KATNAL2: variants seen among roughly 807,000 people sequenced by gnomAD.
KATNAL2 encodes katanin p60 ATPase-containing subunit A-like 2.
Under a neutral mutation model 76.3 loss-of-function variants are expected in KATNAL2, and 52 were observed. The ratio of observed to expected loss-of-function variants is 0.68; its 90% CI spans 0.55 to 0.86. The LOEUF is 0.86. Among genes scored for constraint, KATNAL2 ranks in the 40% least tolerant of loss-of-function variants. The pLI is 0.00. For missense variants in KATNAL2, 660 were observed against 668.9 expected (o/e 0.99, Z 0.15); for synonymous variants, 243 against 244.2 (o/e 1.00, Z 0.05).
chr18:47,043,782 G>GA (rs1433287384), intron 3 of KATNAL2, among the ~76,000 whole-genome samples: 1 of 149,398 alleles, frequency 6.7e-6, no homozygotes, highest in Non-Finnish European at 1.5e-5. Flanking sequence ...TACGTATGTT[G>GA]AAAAGTAACC....
intron 3 of KATNAL2, among the ~76,000 whole-genome samples, chr18:46,949,830 A>G (rs750135177): frequency 3.9e-5 from 6 of 152,118 alleles, no homozygotes; most frequent in Non-Finnish European, 8.8e-5. Context: ...CTGGAACCAC[A>G]TTAATAGCAT....
chr18:46,931,551 A>G (rs1380183482), intron 1 of KATNAL2, among the ~76,000 whole-genome samples: 1 of 151,218 alleles, frequency 6.6e-6, no homozygotes, highest in African/African-American at 2.4e-5. Context: ...TACTCAGGAG[A>G]CTGAGGCAGG....
intron 13 of KATNAL2, among the ~76,000 whole-genome samples, chr18:47,071,820 A>AAC (rs2062011392): frequency 6.6e-6 from 1 of 151,664 alleles, no homozygotes. Context: ...GTATTTACTT[A>AAC]AAGTTTTCCT....
intron 1 of KATNAL2, among the ~76,000 whole-genome samples, chr18:46,935,971 T>C (rs997877991): frequency 5.3e-5 from 8 of 152,122 alleles, no homozygotes; most frequent in African/African-American, 1.7e-4. Context: ...GAACTATAAA[T>C]ATCTGTTGAG....
rs984837956 is a variant in KATNAL2, at chr18:46,945,362, G to A, written c.-509-695G>A. On this transcript the variant is annotated intron_variant, in intron 1 of 17. Coordinates refer to ENST00000683218, the MANE Select transcript of KATNAL2 (RefSeq NM_001387690.1). ...GATTGTTAGAAGAAAACGCCATTGA[G>A]TTATCCTAGAAAGTGACATTTGAGC... 3.3e-5 allele frequency among the ~76,000 whole-genome samples: 5 copies of A among 152,196 alleles called. No individual in the cohort carries two copies. The East Asian group carries it at 7.7e-4, about 23-fold the overall frequency.
chr18:46,932,208 T>C (rs895139829), intron 1 of KATNAL2, among the ~76,000 whole-genome samples: 33 of 151,888 alleles, frequency 2.2e-4, no homozygotes, highest in African/African-American at 7.7e-4. Context: ...ACCACGCCCG[T>C]CCCACTAGCA....
At chr18:47,067,485 T>C (rs954287947) in intron 11 of KATNAL2, among the ~76,000 whole-genome samples, 1 of 152,080 alleles carries the variant, frequency 6.6e-6, no homozygotes, top group Non-Finnish European at 1.5e-5. Flanking sequence ...CACAGATCCT[T>C]CCTTTACACC....
Position 47,072,459 on chromosome 18 carries a change from G to T in KATNAL2, c.1009-2818G>T, listed in dbSNP as rs1437904272. On this transcript the variant is annotated intron_variant, in intron 13 of 17. Transcript: ENST00000683218. The stretch of plus-strand genomic sequence containing the variant: ...TGTTCTGTTTCTGTTTTGTTTTGAG[G>T]CAGGGTCTTGCTCTGTCACCCAGGC... Among the ~76,000 whole-genome samples the T allele has an allele frequency of 2.0e-5, 3 of 151,396 alleles. No individual in the cohort carries two copies. In the East Asian group the frequency reaches 5.9e-4, roughly 30 times the overall value.
At chr18:47,070,195 C>T (rs1043641895) in intron 13 of KATNAL2, among the ~76,000 whole-genome samples, 1 of 150,864 alleles carries the variant, frequency 6.6e-6, no homozygotes, top group African/African-American at 2.4e-5. Context: ...CTCCCGGGTT[C>T]AAGCAATTCT....
chr18:46,961,302 G>T (rs998135500), intron 3 of KATNAL2, among the ~76,000 whole-genome samples: 16 of 152,086 alleles, frequency 1.1e-4, no homozygotes, highest in African/African-American at 3.9e-4. Context: ...GGGTGGGGGT[G>T]GGTAGCAGGA....
chr18:47,038,269 T>C (rs1350598710), intron 3 of KATNAL2, among the ~76,000 whole-genome samples: 1 of 152,190 alleles, frequency 6.6e-6, no homozygotes, highest in Non-Finnish European at 1.5e-5. Flanking sequence ...GCTTTTGCTT[T>C]CTTATTTATC....
intron 1 of KATNAL2, among the ~76,000 whole-genome samples, chr18:46,922,047 C>T (rs1438554755): frequency 1.3e-5 from 2 of 151,820 alleles, no homozygotes; most frequent in Non-Finnish European, 2.9e-5. Context: ...TTAGACTTTA[C>T]CAAAACTAGT....
At chr18:46,928,430 A>C (rs1399903101) in intron 1 of KATNAL2, among the ~76,000 whole-genome samples, 1 of 152,078 alleles carries the variant, frequency 6.6e-6, no homozygotes, top group Non-Finnish European at 1.5e-5. Flanking sequence ...CTGCTGCCTG[A>C]TCGTTCCTCT....
At chr18:47,074,559 T>C (rs992676549) in intron 13 of KATNAL2, among the ~76,000 whole-genome samples, 3 of 152,222 alleles carry the variant, frequency 2.0e-5, no homozygotes, top group East Asian at 1.9e-4. Flanking sequence ...TAGGTTGTTA[T>C]ATTCTATTAA....
At chr18:47,031,687 C>G (rs142862528) in intron 3 of KATNAL2, among the ~76,000 whole-genome samples, 33 of 152,182 alleles carry the variant, frequency 2.2e-4, no homozygotes, top group Non-Finnish European at 4.6e-4. Flanking sequence ...TCATATTGGT[C>G]GTCCTGGTCT....
intron 1 of KATNAL2, among the ~76,000 whole-genome samples, chr18:46,941,455 A>AT: frequency 6.6e-6 from 1 of 151,978 alleles, no homozygotes; most frequent in Non-Finnish European, 1.5e-5. Context: ...ATTGGATTAT[A>AT]TTTTTTCAAT....
In KATNAL2 at chr18:47,069,294, C is replaced by T; in HGVS notation, c.889+11C>T. The T allele has an allele frequency of 6.2e-7, 1 of 1,602,088 alleles. No homozygotes were observed. Among genetic ancestry groups the T allele is most frequent in the Non-Finnish European group, 8.5e-7 (1 of 1,171,810 alleles). ...TGTACGGCCCTCCAGGTAAACACAGCTTCCTATTTTGATGTCAGTGTTAAG... is the reference window on the plus strand; with the variant it reads ...TGTACGGCCCTCCAGGTAAACACAGTTTCCTATTTTGATGTCAGTGTTAAG... On this transcript the variant is annotated intron_variant, in intron 12 of 17. Transcript: ENST00000683218.
chr18:46,926,633 G>A (rs2146519888), intron 1 of KATNAL2, among the ~76,000 whole-genome samples: 1 of 152,198 alleles, frequency 6.6e-6, no homozygotes, highest in Middle Eastern at 3.4e-3. Context: ...CAATTCCTGG[G>A]TATCCTTGCT....
rs1182103152 is a variant in KATNAL2, at chr18:46,967,550, T to C, written c.51+20627T>C. Reference sequence around the variant, plus strand: ...GCTCATGTGTGCGTGTGCGTGTGTGTGTGCGTGTCTTTCTTTGTGTGTATG... The same window carrying C: ...GCTCATGTGTGCGTGTGCGTGTGTGCGTGCGTGTCTTTCTTTGTGTGTATG... On this transcript the variant is annotated intron_variant, in intron 3 of 17. Transcript: ENST00000683218. Among the ~76,000 whole-genome samples, 408 of 113,488 alleles carry C rather than the reference T, an allele frequency of 3.6e-3. 2 individuals carry two copies. The highest frequency in any genetic ancestry group is 0.013 in the African/African-American group (392 of 29,712). 74.5% of individuals were successfully genotyped at this position (113,488 alleles called of 152,430 possible).
Sources: allele counts gnomAD v4.1 joint callset (sites outside exome capture counted in the v4.1 genomes callset), GRCh38; gene constraint gnomAD v4.1.1; transcripts MANE v1.5; gene names NCBI Gene and HGNC (gene_info 2026-07-23, HGNC 2026-07-21).